Variants in IHO1 observed in about 807,000 individuals in gnomAD.
IHO1 encodes the protein interactor of HORMAD1 protein 1.
In IHO1, 13 loss-of-function variants were observed where a neutral mutation model predicts 31.0. The observed-to-expected ratio is 0.42, with a 90% CI of 0.27 to 0.67. The LOEUF (loss-of-function observed/expected upper bound fraction) is 0.67, where lower values mean the gene tolerates loss of function less well. Among genes scored for constraint, IHO1 ranks in the 30% least tolerant of loss-of-function variants. IHO1 has a pLI of 0.24. For synonymous variants in IHO1, 221 were observed against 248.4 expected, an observed-to-expected ratio of 0.89 and a Z score of 1.04; for missense variants, 599 against 687.5, an observed-to-expected ratio of 0.87 and a Z score of 1.44.
chr3:49,211,911 C>G (rs2046221908), intron 2 of IHO1, 75 bp downstream of exon 2: 1 of 868,924 alleles, frequency 1.2e-6, no homozygotes, highest in African/African-American at 1.7e-5. Flanking sequence ...ACCTGTAATC[C>G]CAGCACTTTG....
chr3:49,256,910 C>A lies in IHO1; in HGVS notation c.1413C>A (p.Phe471Leu). The A allele has an allele frequency of 6.2e-7, 1 of 1,614,222 alleles. No individual in the cohort carries two copies. The highest frequency in any genetic ancestry group is 1.7e-5 in the Admixed American group (1 of 60,014). The change falls in exon 8 of 8, where the codon TTC becomes TTA. Residue 471 changes from phenylalanine to leucine, a missense_variant. Physicochemically the swap from Phe to Leu is conservative, Grantham distance 22. Transcript: ENST00000452691. The surrounding 1 kb of genome is among the most constrained non-coding windows in gnomAD (Gnocchi z 4.6). ...AAATCCCAATCCAGACCTGTAAATT[C>A]AATTCCAAATATCAGAGTCCTCAGC... ...QKQIPIQTCK[F>L]NSKYQSPQPA... is the part of the protein sequence containing the mutation.
intron 6 of IHO1, among the ~76,000 whole-genome samples, chr3:49,251,803 T>C (rs1271273453): frequency 6.6e-6 from 1 of 152,002 alleles, no homozygotes; most frequent in Non-Finnish European, 1.5e-5. Context: ...GGTTTCTCCA[T>C]GTTGGTCAGG....
intron 6 of IHO1, chr3:49,245,021 C>T: frequency 1.7e-6 from 1 of 577,290 alleles, no homozygotes; most frequent in Non-Finnish European, 3.1e-6. Flanking sequence ...TTTCTCATCT[C>T]ACTGCCTGAA....
intron 4 of IHO1, among the ~76,000 whole-genome samples, chr3:49,241,891 A>C (rs1178566414): frequency 6.7e-6 from 1 of 148,212 alleles, no homozygotes; most frequent in African/African-American, 2.5e-5. Flanking sequence ...AAAATGCTGG[A>C]ATTATAGGCG....
intron 4 of IHO1, among the ~76,000 whole-genome samples, chr3:49,243,342 A>C (rs2046653940): frequency 6.6e-6 from 1 of 151,796 alleles, no homozygotes; most frequent in South Asian, 2.1e-4. Flanking sequence ...ACGGGGTTTC[A>C]GCATGTTGGC....
Position 49,256,988 on chromosome 3 carries a change from T to C in IHO1, c.1491T>C (p.Ala497=). ...SPFLGQQEPR[A]QPLHLQCPRS... is the part of the protein sequence containing the mutation. ...TCCTGGGGCAGCAGGAACCCCGTGC[T>C]CAGCCTCTGCATCTGCAGTGTCCCA... The change falls in exon 8 of 8, where the codon GCT becomes GCC. Residue 497 remains alanine, a synonymous_variant. Transcript: ENST00000452691. The surrounding 1 kb of genome is among the most constrained non-coding windows in gnomAD (Gnocchi z 4.6). 6.2e-7 allele frequency: 1 copy of C among 1,614,214 alleles called. No individual in the cohort carries two copies. Among genetic ancestry groups the C allele is most frequent in the African/African-American group, 1.3e-5 (1 of 75,066 alleles).
chr3:49,250,161 C>T (rs929704923), intron 6 of IHO1, among the ~76,000 whole-genome samples: 1 of 152,110 alleles, frequency 6.6e-6, no homozygotes, highest in Non-Finnish European at 1.5e-5. Context: ...TACAGATATG[C>T]ACACGTATTA....
At chr3:49,242,450 T>C (rs2046642889) in intron 4 of IHO1, among the ~76,000 whole-genome samples, 1 of 152,266 alleles carries the variant, frequency 6.6e-6, no homozygotes, top group South Asian at 2.1e-4. Context: ...TTAATTGCCT[T>C]CTTGTCAATA....
At chr3:49,194,658 G>A (rs560788737), upstream of IHO1, among the ~76,000 whole-genome samples, 8 of 150,676 alleles carry the variant, frequency 5.3e-5, no homozygotes, top group South Asian at 4.2e-4. Flanking sequence ...CACTTTGGGA[G>A]GCCGAGGTGG....
chr3:49,219,292 C>G lies in IHO1; in HGVS notation c.56+7456C>G, dbSNP rs1559441518. On this transcript the variant is annotated intron_variant, in intron 2 of 7. Transcript: ENST00000452691. Reference sequence around the variant, plus strand: ...GAATGAGGGCAAGGAACACCTCACCCACCCAGGGCAGAAAACTGCTTAAAG... The same window carrying G: ...GAATGAGGGCAAGGAACACCTCACCGACCCAGGGCAGAAAACTGCTTAAAG... Among the ~76,000 whole-genome samples the G allele has an allele frequency of 2.6e-5, 4 of 152,328 alleles. No homozygotes were observed. In the South Asian group the frequency reaches 8.3e-4, roughly 32 times the overall value.
At chr3:49,195,286 G>C (rs772984073), upstream of IHO1, among the ~76,000 whole-genome samples, 3 of 151,786 alleles carry the variant, frequency 2.0e-5, no homozygotes, top group Non-Finnish European at 2.9e-5. Flanking sequence ...GCTGGGCGTG[G>C]TGACATGCGT....
intron 1 of IHO1, among the ~76,000 whole-genome samples, chr3:49,201,687 C>A (rs13434338): frequency 6.6e-6 from 1 of 151,968 alleles, no homozygotes; most frequent in Non-Finnish European, 1.5e-5. Flanking sequence ...GAAGCCGAGG[C>A]GGGTGAATCA....
At chr3:49,196,153 C>T (rs1222224385), upstream of IHO1, among the ~76,000 whole-genome samples, 1 of 149,356 alleles carries the variant, frequency 6.7e-6, no homozygotes, top group Non-Finnish European at 1.5e-5. Flanking sequence ...ATGGCATGAA[C>T]CCGAGAGGCA....
At chr3:49,203,763 C>T (rs891790620) in intron 1 of IHO1, among the ~76,000 whole-genome samples, 1 of 152,074 alleles carries the variant, frequency 6.6e-6, no homozygotes, top group African/African-American at 2.4e-5. Flanking sequence ...GAGGAGTGGT[C>T]AAATTCTAGA....
chr3:49,219,265 CG>C (rs1425398316), intron 2 of IHO1, among the ~76,000 whole-genome samples: 1 of 152,084 alleles, frequency 6.6e-6, no homozygotes, highest in East Asian at 1.9e-4. Context: ...GTGGGTTTAC[CG>C]GAATGAGGGC....
rs13075419 is a variant in IHO1 at position 49,223,508 on chromosome 3, G to A, written c.56+11672G>A. The stretch of plus-strand genomic sequence containing the variant: ...AGATTGAGACCATCCTGGCTAACAC[G>A]GTGAAACCCCGTCTCTACTAAAAAT... On this transcript the variant is annotated intron_variant, in intron 2 of 7. Coordinates refer to ENST00000452691, the MANE Select transcript of IHO1 (RefSeq NM_001135197.2). 1.3e-3 allele frequency among the ~76,000 whole-genome samples: 201 copies of A among 152,152 alleles called. 1 individual carries two copies. Among genetic ancestry groups the A allele is most frequent in the Non-Finnish European group, 2.2e-3 (147 of 67,998 alleles).
intron 2 of IHO1, among the ~76,000 whole-genome samples, chr3:49,222,216 G>A (rs149605927): frequency 8.5e-5 from 13 of 152,316 alleles, no homozygotes; most frequent in African/African-American, 3.1e-4. Flanking sequence ...ATAAGTAGGG[G>A]TATTAGTTGT....
chr3:49,255,424 G>A lies in IHO1; in HGVS notation c.567G>A (p.Val189=). Residue 189 remains valine (V), a synonymous_variant, in exon 7 of 8, where the codon GTG becomes GTA. Coordinates refer to ENST00000452691, the MANE Select transcript of IHO1 (RefSeq NM_001135197.2). ...CTATACAGGCCCAGAATGACCTGGT[G>A]TTTGAGGCAGTCCAGGACAAAGGCA... The part of the protein sequence containing the change: ...QETIQAQNDL[V]FEAVQDKGNM... 6.2e-7 allele frequency: 1 copy of A among 1,602,852 alleles called. No homozygotes were observed. The highest frequency in any genetic ancestry group is 2.2e-5 in the East Asian group (1 of 44,648).
intron 1 of IHO1, among the ~76,000 whole-genome samples, chr3:49,205,407 C>T (rs1361469102): frequency 6.6e-6 from 1 of 151,730 alleles, no homozygotes; most frequent in Non-Finnish European, 1.5e-5. Flanking sequence ...CAACCTCTGC[C>T]TTCTGGTTTC....
Sources: allele counts gnomAD v4.1 joint callset (sites outside exome capture counted in the v4.1 genomes callset), GRCh38; gene constraint gnomAD v4.1.1; non-coding constraint Gnocchi (gnomAD v3.1); transcripts MANE v1.5; gene names NCBI Gene and HGNC (gene_info 2026-07-23, HGNC 2026-07-21).